KCNH7: variants seen among roughly 807,000 people sequenced by gnomAD.
KCNH7 encodes the protein voltage-gated inwardly rectifying potassium channel KCNH7.
Under a neutral mutation model 120.8 loss-of-function variants are expected in KCNH7, and 49 were observed. The ratio of observed to expected loss-of-function variants is 0.41; its 90% CI spans 0.32 to 0.51. The LOEUF is 0.51. Among genes scored for constraint, KCNH7 ranks in the 20% least tolerant of loss-of-function variants. KCNH7 has a pLI of 0.38. For missense variants in KCNH7, 1,097 were observed against 1,446.6 expected, an observed-to-expected ratio of 0.76 and a Z score of 3.92; for synonymous variants, 547 against 516.1, an observed-to-expected ratio of 1.06 and a Z score of -0.81.
intron 9 of KCNH7, among the ~76,000 whole-genome samples, chr2:162,422,540 T>A (rs1487482560): frequency 6.6e-6 from 1 of 152,258 alleles, no homozygotes; most frequent in East Asian, 1.9e-4. Flanking sequence ...TTGTATAATT[T>A]ATTTAGCAAT....
chr2:162,384,698 G>A lies in KCNH7; in HGVS notation c.2952C>T (p.His984=), dbSNP rs749048369. The part of the protein sequence containing the change: ...SGRMHIDKRS[H]SCKDITDMRS... ...CTAACTCTGGATTACCTTTGCAAGA[G>A]TGACTTCTTTTATCTATGTGCATTC... Residue 984 remains histidine, a synonymous_variant, in exon 13 of 16, where the codon CAC becomes CAT. Coordinates refer to ENST00000332142, the MANE Select transcript of KCNH7 (RefSeq NM_033272.4). 1.3e-5 allele frequency: 21 copies of A among 1,612,282 alleles called. No homozygotes were observed. The South Asian group carries it at 2.3e-4, about 18-fold the overall frequency.
At chr2:162,581,775 A>T (rs1253811966) in intron 2 of KCNH7, among the ~76,000 whole-genome samples, 1 of 152,088 alleles carries the variant, frequency 6.6e-6, no homozygotes, top group Non-Finnish European at 1.5e-5. Flanking sequence ...TAAAATGACA[A>T]TGTCATATAT....
intron 2 of KCNH7, among the ~76,000 whole-genome samples, chr2:162,814,645 ACT>A (rs1322459497): frequency 2.0e-5 from 3 of 151,952 alleles, no homozygotes; most frequent in Non-Finnish European, 4.4e-5. Flanking sequence ...ATTATTCATC[ACT>A]CTCGCCTCAG....
intron 3 of KCNH7, among the ~76,000 whole-genome samples, chr2:162,534,644 C>T (rs910027589): frequency 3.3e-5 from 5 of 151,620 alleles, no homozygotes; most frequent in Non-Finnish European, 4.4e-5. Context: ...ATAAGTACCT[C>T]GATGACTTTA....
At chr2:162,588,160 A>C (rs1694082212) in intron 2 of KCNH7, among the ~76,000 whole-genome samples, 1 of 152,108 alleles carries the variant, frequency 6.6e-6, no homozygotes, top group Non-Finnish European at 1.5e-5. Flanking sequence ...GGCAAGGACA[A>C]TGATGACGCC....
intron 2 of KCNH7, among the ~76,000 whole-genome samples, chr2:162,664,256 C>T (rs1232447005): frequency 6.6e-6 from 1 of 152,154 alleles, no homozygotes; most frequent in African/African-American, 2.4e-5. Flanking sequence ...ACCTCTTTCA[C>T]TTTTAATTTT....
At chr2:162,830,235 A>G (rs1466332741) in intron 2 of KCNH7, among the ~76,000 whole-genome samples, 1 of 152,188 alleles carries the variant, frequency 6.6e-6, no homozygotes, top group Non-Finnish European at 1.5e-5. Flanking sequence ...TGAAATATTC[A>G]TTATAGGTAA....
chr2:162,598,293 C>A (rs569235597), intron 2 of KCNH7, among the ~76,000 whole-genome samples: 1 of 151,730 alleles, frequency 6.6e-6, no homozygotes, highest in Non-Finnish European at 1.5e-5. Context: ...ACTATAGTAA[C>A]GGAGTGAAAT....
intron 2 of KCNH7, among the ~76,000 whole-genome samples, chr2:162,728,651 G>A (rs922084270): frequency 6.6e-6 from 1 of 152,090 alleles, no homozygotes; most frequent in African/African-American, 2.4e-5. Context: ...GGAGGTGCAC[G>A]CCTGTAATCC....
intron 9 of KCNH7, among the ~76,000 whole-genome samples, chr2:162,404,061 A>T (rs1687138056): frequency 6.6e-6 from 1 of 151,820 alleles, no homozygotes; most frequent in Non-Finnish European, 1.5e-5. Context: ...TCCCTTGTTA[A>T]ACTCTCTGAC....
At chr2:162,833,687 A>G (rs977279069) in intron 2 of KCNH7, among the ~76,000 whole-genome samples, 3 of 152,150 alleles carry the variant, frequency 2.0e-5, no homozygotes, top group South Asian at 2.1e-4. Flanking sequence ...GAAGCATAGT[A>G]GGAAGTGGTG....
At chr2:162,786,291 A>G (rs977680051) in intron 2 of KCNH7, among the ~76,000 whole-genome samples, 21 of 151,824 alleles carry the variant, frequency 1.4e-4, no homozygotes, top group Admixed American at 1.4e-3. Flanking sequence ...ACATTCTTGG[A>G]ACACTTACTG....
At chr2:162,540,889 G>T (rs1692280143) in intron 2 of KCNH7, among the ~76,000 whole-genome samples, 1 of 152,238 alleles carries the variant, frequency 6.6e-6, no homozygotes, top group Non-Finnish European at 1.5e-5. Context: ...GGTAAGCCAA[G>T]ATGGCAGTTT....
chr2:162,498,791 G>A (rs1333087127), intron 6 of KCNH7, among the ~76,000 whole-genome samples: 1 of 152,104 alleles, frequency 6.6e-6, no homozygotes, highest in Admixed American at 6.6e-5. Context: ...AGACAGGAGA[G>A]TCTGAGGAAC....
intron 2 of KCNH7, among the ~76,000 whole-genome samples, chr2:162,710,087 G>A (rs1686868287): frequency 6.6e-6 from 1 of 152,118 alleles, no homozygotes; most frequent in African/African-American, 2.4e-5. Context: ...CCAAAGACTT[G>A]CCAATAATGT....
chr2:162,721,324 T>C (rs1687318658), intron 2 of KCNH7, among the ~76,000 whole-genome samples: 1 of 152,190 alleles, frequency 6.6e-6, no homozygotes, highest in Non-Finnish European at 1.5e-5. Flanking sequence ...AAATCAGCTA[T>C]TGTGGGTCAG....
At chr2:162,431,910 A>G (rs1003421863) in intron 8 of KCNH7, among the ~76,000 whole-genome samples, 7 of 151,922 alleles carry the variant, frequency 4.6e-5, no homozygotes, top group African/African-American at 9.7e-5. Flanking sequence ...TAGAGCAAGT[A>G]AAGAACTGAG....
intron 2 of KCNH7, among the ~76,000 whole-genome samples, chr2:162,626,528 T>C (rs942562141): frequency 2.6e-5 from 4 of 152,124 alleles, no homozygotes; most frequent in African/African-American, 9.7e-5. Context: ...CCTGCAAAAA[T>C]AAATGACTGC....
chr2:162,749,085 C>G (rs1256518635), intron 2 of KCNH7, among the ~76,000 whole-genome samples: 1 of 142,100 alleles, frequency 7.0e-6, no homozygotes, highest in African/African-American at 2.6e-5. Flanking sequence ...ATATTCTAAA[C>G]TTTTAGGACT....
Sources: allele counts gnomAD v4.1 joint callset (sites outside exome capture counted in the v4.1 genomes callset), GRCh38; gene constraint gnomAD v4.1.1; transcripts MANE v1.5; gene names NCBI Gene and HGNC (gene_info 2026-07-23, HGNC 2026-07-21).